The following MCTP1 variants were observed in gnomAD, a reference collection of about 807,000 sequenced individuals.
MCTP1 encodes multiple C2 and transmembrane domain-containing protein 1.
A neutral mutation model predicts 120.6 loss-of-function variants in MCTP1; 69 were observed. The ratio of observed to expected loss-of-function variants is 0.57; its 90% CI spans 0.47 to 0.70. MCTP1 has a LOEUF of 0.70. Among genes scored for constraint, MCTP1 ranks in the 30% least tolerant of loss-of-function variants. The pLI, the probability that MCTP1 is intolerant of heterozygous loss-of-function variation, is 0.00. For synonymous variants in MCTP1, 529 were observed against 493.1 expected, an observed-to-expected ratio of 1.07 and a Z score of -0.96; for missense variants, 1,203 against 1,248.8, an observed-to-expected ratio of 0.96 and a Z score of 0.55.
intron 1 of MCTP1, among the ~76,000 whole-genome samples, chr5:95,214,662 A>T (rs1182403000): frequency 6.6e-6 from 1 of 152,180 alleles, no homozygotes; most frequent in African/African-American, 2.4e-5. Context: ...TGGCACATAT[A>T]CACCATGGAA....
chr5:94,968,548 G>A (rs2153571387), intron 2 of MCTP1, among the ~76,000 whole-genome samples: 1 of 152,246 alleles, frequency 6.6e-6, no homozygotes, highest in Middle Eastern at 3.4e-3. Context: ...GGAAATCCAA[G>A]TCACTAATAT....
chr5:94,903,768 C>A (rs952967706), intron 10 of MCTP1, among the ~76,000 whole-genome samples: 1 of 152,188 alleles, frequency 6.6e-6, no homozygotes, highest in Non-Finnish European at 1.5e-5. Context: ...TAAAGATAAA[C>A]AAGCATTTGG....
At chr5:94,897,860 C>T (rs1176660878) in intron 10 of MCTP1, among the ~76,000 whole-genome samples, 1 of 152,114 alleles carries the variant, frequency 6.6e-6, no homozygotes, top group Admixed American at 6.6e-5. Context: ...GCCCCAGTGT[C>T]GTTCCCCTCT....
At chr5:94,709,201 A>C (rs1303862069) in intron 21 of MCTP1, 2 of 152,148 alleles carry the variant, frequency 1.3e-5, no homozygotes, top group East Asian at 3.9e-4. Context: ...ACACTGGAGC[A>C]TCTTGGCTCC....
intron 1 of MCTP1, among the ~76,000 whole-genome samples, chr5:95,061,793 T>G (rs1481370988): frequency 6.6e-6 from 1 of 152,180 alleles, no homozygotes; most frequent in Non-Finnish European, 1.5e-5. Flanking sequence ...CTGTGTTAAG[T>G]GCTTCACATT....
intron 17 of MCTP1, among the ~76,000 whole-genome samples, chr5:94,808,054 T>C (rs1782707543): frequency 6.6e-6 from 1 of 152,202 alleles, no homozygotes; most frequent in South Asian, 2.1e-4. Context: ...CTTTAAAACA[T>C]GCCCAAAGTA....
intron 20 of MCTP1, among the ~76,000 whole-genome samples, chr5:94,712,984 A>G (rs975465563): frequency 3.9e-5 from 6 of 152,132 alleles, no homozygotes; most frequent in Middle Eastern, 3.4e-3. Context: ...TGTTAGAAAA[A>G]ATAAAATAAA....
chr5:95,252,209 A>T (rs1757448714), intron 1 of MCTP1, among the ~76,000 whole-genome samples: 1 of 152,156 alleles, frequency 6.6e-6, no homozygotes, highest in Non-Finnish European at 1.5e-5. Context: ...TATTGGGGTG[A>T]CCATGTGTGT....
At chr5:95,113,579 G>A (rs562464123) in intron 1 of MCTP1, among the ~76,000 whole-genome samples, 1 of 152,264 alleles carries the variant, frequency 6.6e-6, no homozygotes, top group East Asian at 1.9e-4. Flanking sequence ...CACCCACACA[G>A]GGAGTATTTA....
intron 1 of MCTP1, among the ~76,000 whole-genome samples, chr5:95,085,123 T>G (rs1031924393): frequency 1.1e-4 from 16 of 152,044 alleles, no homozygotes; most frequent in African/African-American, 3.4e-4. Flanking sequence ...TTGATTCTGA[T>G]TTTCTGGAAG....
At chr5:95,225,025 T>A (rs150651677) in intron 1 of MCTP1, among the ~76,000 whole-genome samples, 2 of 152,310 alleles carry the variant, frequency 1.3e-5, no homozygotes, top group Non-Finnish European at 2.9e-5. Context: ...AAATAGAATA[T>A]AAAGTAAAAC....
intron 1 of MCTP1, among the ~76,000 whole-genome samples, chr5:95,049,720 A>G (rs543663412): frequency 1.8e-4 from 28 of 152,274 alleles, no homozygotes; most frequent in African/African-American, 6.3e-4. Context: ...ATGCGCAGAC[A>G]TAGTATTTTC....
intron 1 of MCTP1, among the ~76,000 whole-genome samples, chr5:95,271,797 TATAG>T (rs201312237): frequency 6.6e-6 from 1 of 151,386 alleles, no homozygotes; most frequent in South Asian, 2.1e-4. Flanking sequence ...TATATAGCTA[TATAG>T]ATAGATAGAT....
At chr5:94,803,739 T>C (rs1455128312) in intron 17 of MCTP1, among the ~76,000 whole-genome samples, 1 of 152,176 alleles carries the variant, frequency 6.6e-6, no homozygotes, top group Non-Finnish European at 1.5e-5. Flanking sequence ...AAAGAAGCCA[T>C]GCCAACTAAA....
intron 1 of MCTP1, among the ~76,000 whole-genome samples, chr5:95,229,420 G>A (rs1367438914): frequency 6.6e-6 from 1 of 152,116 alleles, no homozygotes; most frequent in Non-Finnish European, 1.5e-5. Flanking sequence ...CAAAGCATTT[G>A]CAAGTACTGC....
intron 1 of MCTP1, among the ~76,000 whole-genome samples, chr5:95,269,163 C>T (rs1759158834): frequency 1.3e-5 from 2 of 152,114 alleles, no homozygotes; most frequent in Admixed American, 6.6e-5. Flanking sequence ...CAGCAACTGA[C>T]GTAAGACTAA....
At chr5:94,748,246 G>A (rs1767389284) in intron 19 of MCTP1, among the ~76,000 whole-genome samples, 1 of 152,106 alleles carries the variant, frequency 6.6e-6, no homozygotes, top group East Asian at 1.9e-4. Context: ...ATCTTTTATA[G>A]GAAAGCATTT....
At chr5:95,038,386 A>C (rs1347689648) in intron 1 of MCTP1, among the ~76,000 whole-genome samples, 9 of 152,244 alleles carry the variant, frequency 5.9e-5, no homozygotes, top group Non-Finnish European at 1.2e-4. Context: ...ATAATATACC[A>C]ATATAAATAA....
chr5:94,827,833 C>T (rs554149198), intron 17 of MCTP1, among the ~76,000 whole-genome samples: 2 of 152,026 alleles, frequency 1.3e-5, no homozygotes, highest in South Asian at 4.2e-4. Context: ...TTATGTTCTT[C>T]TCTAAACTGG....
Sources: allele counts gnomAD v4.1 joint callset (sites outside exome capture counted in the v4.1 genomes callset), GRCh38; gene constraint gnomAD v4.1.1; transcripts MANE v1.5; gene names NCBI Gene and HGNC (gene_info 2026-07-23, HGNC 2026-07-21).